LPP: variants seen among roughly 807,000 people sequenced by gnomAD.
LPP encodes lipoma-preferred partner.
LPP carries 38 observed loss-of-function variants against 60.4 expected under a neutral mutation model. The observed-to-expected ratio is 0.63, with a 90% CI of 0.49 to 0.83. The LOEUF (loss-of-function observed/expected upper bound fraction) is 0.83. LPP is among the 40% of genes least tolerant of loss of function. The pLI is 0.00. For missense variants in LPP, 902 were observed against 783.6 expected, an observed-to-expected ratio of 1.15 and a Z score of -1.80; for synonymous variants, 328 against 290.8, an observed-to-expected ratio of 1.13 and a Z score of -1.30.
At chr3:188,709,319 G>A (rs1282365316) in intron 8 of LPP, 3 of 151,936 alleles carry the variant, frequency 2.0e-5, no homozygotes, top group Non-Finnish European at 4.4e-5. Flanking sequence ...ACATGAGAAG[G>A]CTTAGGTCAA....
chr3:188,675,539 G>T (rs539768166), intron 7 of LPP, among the ~76,000 whole-genome samples: 2 of 152,282 alleles, frequency 1.3e-5, no homozygotes, highest in Admixed American at 6.5e-5. Context: ...ACATCAAGGG[G>T]TGTTGGTAGT....
At chr3:188,692,834 C>T (rs917616568) in intron 7 of LPP, among the ~76,000 whole-genome samples, 1 of 152,208 alleles carries the variant, frequency 6.6e-6, no homozygotes, top group African/African-American at 2.4e-5. Flanking sequence ...TTCACATGTA[C>T]TTGTTCTTCT....
intron 6 of LPP, among the ~76,000 whole-genome samples, chr3:188,605,565 G>T (rs916051675): frequency 6.6e-6 from 1 of 152,104 alleles, no homozygotes; most frequent in African/African-American, 2.4e-5. Flanking sequence ...ATGAATTCTG[G>T]AGACAGAAAT....
chr3:188,703,574 G>A (rs1152847), intron 7 of LPP, among the ~76,000 whole-genome samples: 39,630 of 151,986 alleles, frequency 0.26, 6,146 homozygotes, highest in Non-Finnish European at 0.35. Flanking sequence ...GGTGGAGGCT[G>A]TTCTCTAGCC....
intron 1 of LPP, among the ~76,000 whole-genome samples, chr3:188,187,672 T>TAA (rs1371762324): frequency 6.6e-6 from 1 of 152,070 alleles, no homozygotes; most frequent in South Asian, 2.1e-4. Flanking sequence ...TATAATTTCT[T>TAA]ACGCAGTTTC....
rs1475115221 is a variant in LPP at position 188,784,674 on chromosome 3, CAT to C, written c.1410+24403_1410+24404del. On this transcript the variant is annotated intron_variant, in intron 9 of 11. Transcript: ENST00000617246. ...ATATTCCATCATATATATATTCCAT[CAT>C]ATATATATATTCCATCATATATATA... Among the ~76,000 whole-genome samples, 7 of 1,316 alleles carry C rather than the reference CAT, an allele frequency of 5.3e-3. 1 individual carries two copies. The highest frequency in any genetic ancestry group is 0.025 in the African/African-American group (5 of 198). 0.9% of individuals were successfully genotyped at this position (1,316 alleles called of 152,430 possible).
chr3:188,365,702 T>TC lies in LPP; in HGVS notation c.-10+23983_-10+23984insC, dbSNP rs537970093. Among the ~76,000 whole-genome samples, 266 of 148,684 alleles carry TC rather than the reference T, an allele frequency of 1.8e-3. 2 individuals are homozygous for TC. The highest frequency in any genetic ancestry group is 2.8e-3 in the Non-Finnish European group (189 of 67,068). ...TTTTCTTCTTCTTTTTTTTTTTTTTTACTCTGTTGAATGTTATCTTTTATT... is the reference window on the plus strand; with the variant it reads ...TTTTCTTCTTCTTTTTTTTTTTTTTTCACTCTGTTGAATGTTATCTTTTATT... On this transcript the variant is annotated intron_variant, in intron 3 of 11. Coordinates refer to ENST00000617246, the MANE Select transcript of LPP (RefSeq NM_001375462.1).
At chr3:188,240,492 A>T (rs768318812) in intron 2 of LPP, among the ~76,000 whole-genome samples, 1 of 152,240 alleles carries the variant, frequency 6.6e-6, no homozygotes, top group East Asian at 1.9e-4. Context: ...AGGAAGTCTT[A>T]TACGTACTGA....
At chr3:188,500,342 T>C (rs909283557) in intron 5 of LPP, among the ~76,000 whole-genome samples, 1 of 152,174 alleles carries the variant, frequency 6.6e-6, no homozygotes, top group Non-Finnish European at 1.5e-5. Context: ...CTGTGTCAAT[T>C]GAGAAGATAA....
chr3:188,448,137 T>C (rs1795710459), intron 4 of LPP, among the ~76,000 whole-genome samples: 1 of 152,124 alleles, frequency 6.6e-6, no homozygotes, highest in South Asian at 2.1e-4. Context: ...AATTCAAAAT[T>C]TGGGATGTTC....
chr3:188,839,318 G>C lies in LPP; in HGVS notation c.1411-26882G>C, dbSNP rs548297558. On this transcript the variant is annotated intron_variant, in intron 9 of 11. Coordinates refer to ENST00000617246, the MANE Select transcript of LPP (RefSeq NM_001375462.1). ...TATCTGGAATCTTACTGCAAGGGCC[G>C]ATCATTACTCTAGGTAGATTTCAAG... Among the ~76,000 whole-genome samples, 5 of 152,246 alleles carry C rather than the reference G, an allele frequency of 3.3e-5. No homozygotes were observed. In the East Asian group the frequency reaches 9.6e-4, roughly 29 times the overall value.
intron 9 of LPP, among the ~76,000 whole-genome samples, chr3:188,782,263 A>T (rs1266625709): frequency 1.3e-5 from 2 of 152,216 alleles, no homozygotes; most frequent in Non-Finnish European, 2.9e-5. Flanking sequence ...TCAGTATCTC[A>T]TCACTTTCAG....
At chr3:188,185,433 T>G (rs189930442) in intron 1 of LPP, among the ~76,000 whole-genome samples, 10 of 151,534 alleles carry the variant, frequency 6.6e-5, no homozygotes, top group African/African-American at 2.4e-4. Flanking sequence ...CCCCACAGTT[T>G]ATAGAGTGGA....
intron 2 of LPP, among the ~76,000 whole-genome samples, chr3:188,241,520 T>C (rs2149470438): frequency 6.6e-6 from 1 of 152,362 alleles, no homozygotes; most frequent in African/African-American, 2.4e-5. Context: ...GATTTGTTTT[T>C]ATTTTGAAGC....
intron 9 of LPP, among the ~76,000 whole-genome samples, chr3:188,857,739 A>G (rs983923312): frequency 3.3e-5 from 5 of 152,198 alleles, no homozygotes; most frequent in East Asian, 1.9e-4. Context: ...ACATTATCCA[A>G]TTATCCCAGA....
At chr3:188,763,980 T>A (rs966291403) in intron 9 of LPP, among the ~76,000 whole-genome samples, 6 of 152,232 alleles carry the variant, frequency 3.9e-5, no homozygotes, top group Admixed American at 1.3e-4. Context: ...ATGCAAACTA[T>A]CCCCTATGGC....
chr3:188,704,202 T>C (rs1473498687), intron 7 of LPP, among the ~76,000 whole-genome samples: 1 of 152,162 alleles, frequency 6.6e-6, no homozygotes, highest in Non-Finnish European at 1.5e-5. Flanking sequence ...AGAAAAGGTG[T>C]AGGTCACTTC....
intron 9 of LPP, among the ~76,000 whole-genome samples, chr3:188,783,308 T>C (rs1437409087): frequency 6.6e-6 from 1 of 152,086 alleles, no homozygotes; most frequent in Non-Finnish European, 1.5e-5. Context: ...TCAACTTAAA[T>C]GCCCATCAGC....
At chr3:188,807,546 G>C (rs140440881) in intron 9 of LPP, among the ~76,000 whole-genome samples, 121 of 151,906 alleles carry the variant, frequency 8.0e-4, no homozygotes, top group African/African-American at 2.8e-3. Flanking sequence ...TTGATGCTCT[G>C]TTCTCTTACT....
Sources: allele counts gnomAD v4.1 joint callset (sites outside exome capture counted in the v4.1 genomes callset), GRCh38; gene constraint gnomAD v4.1.1; transcripts MANE v1.5; gene names NCBI Gene and HGNC (gene_info 2026-07-23, HGNC 2026-07-21).